PLA2G4B: variants seen among roughly 807,000 people sequenced by gnomAD.
PLA2G4B encodes cytosolic phospholipase A2 beta.
A neutral mutation model predicts 95.8 loss-of-function variants in PLA2G4B; 122 were observed. The observed-to-expected ratio is 1.27, with a 90% confidence interval of 1.10 to 1.48. The LOEUF is 1.48. PLA2G4B is among the 40% of genes most tolerant of loss of function. The pLI is 0.00. For synonymous variants in PLA2G4B, 518 were observed against 421.5 expected, an observed-to-expected ratio of 1.23 and a Z score of -2.80; for missense variants, 1,158 against 996.2, an observed-to-expected ratio of 1.16 and a Z score of -2.19.
At position 41,844,591 on chromosome 15, in the gene PLA2G4B, G is replaced by A. The variant is rs777501105; in HGVS notation, c.1000G>A (p.Ala334Thr). ...GGATTGCGTCTCCTACATCACCGGG[G>A]CCTCGGGCTCCACCTGGTGAGCTGG... ...LLDCVSYITG[A>T]SGSTWALANL... The change falls in exon 12 of 20, where the codon GCC becomes ACC. Residue 334 changes from alanine to threonine, a missense_variant. Transcript: ENST00000458483. 4.3e-6 allele frequency: 7 copies of A among 1,614,172 alleles called. No homozygotes were observed. In the Admixed American group the frequency reaches 1.0e-4, roughly 23 times the overall value.
chr15:41,841,310 C>A lies in PLA2G4B; in HGVS notation c.435+37C>A, dbSNP rs375420606. ...AGTGCTCTGGGAGGCGGTCTGGGGT[C>A]CCCGGGACTCCCTCATGCCAGCGAC... is the stretch of plus-strand genomic sequence containing the variant. On this transcript the variant is annotated intron_variant, in intron 6 of 19. Transcript: ENST00000458483. 39 of 1,611,178 alleles carry A rather than the reference C, an allele frequency of 2.4e-5. No homozygotes were observed. The African/African-American group carries it at 3.3e-4, about 14-fold the overall frequency.
chr15:41,840,265 T>C (rs778708576), intron 2 of PLA2G4B, 35 bp downstream of exon 2: 2 of 1,610,070 alleles, frequency 1.2e-6, no homozygotes, highest in East Asian at 4.5e-5. Context: ...TGTGCTGGGC[T>C]GAGGGAGGAG....
rs529841930 is a variant in PLA2G4B at position 41,846,728 on chromosome 15, CTGGATGT to C, written c.1844_1850del (p.Asp615AlafsTer109). The C allele has an allele frequency of 1.1e-5, 18 of 1,614,028 alleles. No homozygotes were observed. In the East Asian group the frequency reaches 3.8e-4, roughly 34 times the overall value. ...ACCCTCGGAGCCCCACCTGTGCCTGCTGGATGTTGGCTACCTCATCAATACCAGCTGC... is the reference window on the plus strand; with the variant it reads ...ACCCTCGGAGCCCCACCTGTGCCTGCTGGCTACCTCATCAATACCAGCTGC... On this transcript the variant is annotated frameshift_variant, in exon 18 of 20. Coordinates refer to ENST00000458483, the MANE Select transcript of PLA2G4B (RefSeq NM_001114633.2). LOFTEE classifies it high-confidence loss of function.
chr15:41,846,544 C>T (rs1307127418), intron 17 of PLA2G4B, 125 bp from the exon 18 acceptor site: 3 of 1,506,720 alleles, frequency 2.0e-6, no homozygotes, highest in Non-Finnish European at 2.7e-6. Context: ...CCAGGGCCCA[C>T]CTGCAGGGCT....
rs778698124 is a variant in PLA2G4B, at chr15:41,844,837, G to A, written c.1017-11G>A. 2 of 1,587,368 alleles carry A rather than the reference G, an allele frequency of 1.3e-6. No homozygotes were observed. Among genetic ancestry groups the A allele is most frequent in the Non-Finnish European group, 1.7e-6 (2 of 1,168,372 alleles). On this transcript the variant is annotated splice_polypyrimidine_tract_variant and intron_variant, in intron 12 of 19. Transcript: ENST00000458483. Reference sequence around the variant, plus strand: ...TGACAGCCCTCTGGCTTTGGCTTTGGCTTTTCCCAGGGCCTTGGCCAACCT... The same window carrying A: ...TGACAGCCCTCTGGCTTTGGCTTTGACTTTTCCCAGGGCCTTGGCCAACCT...
Position 41,846,585 on chromosome 15 carries a change from G to A in PLA2G4B, c.1781-84G>A, listed in dbSNP as rs370123679. Reference sequence around the variant, plus strand: ...GGTGTTGGTTCAGCAGGAGAGCAGGGACCAGAGGCCAGAGTCTCTCCTTCC... The same window carrying A: ...GGTGTTGGTTCAGCAGGAGAGCAGGAACCAGAGGCCAGAGTCTCTCCTTCC... On this transcript the variant is annotated intron_variant, in intron 17 of 19. Transcript: ENST00000458483. 5 of 1,535,344 alleles carry A rather than the reference G, an allele frequency of 3.3e-6. No homozygotes were observed. The South Asian group carries it at 3.8e-5, about 12-fold the overall frequency.
chr15:41,843,537 C>T, intron 10 of PLA2G4B, 139 bp from the exon 11 acceptor site: 1 of 1,458,990 alleles, frequency 6.9e-7, no homozygotes, highest in African/African-American at 1.4e-5. Flanking sequence ...TGTCAAACTT[C>T]AGTCTTGTGA....
At chr15:41,845,093 G>T (rs1459139245) in intron 13 of PLA2G4B, 23 bp downstream of exon 13, 1 of 1,596,094 alleles carries the variant, frequency 6.3e-7, no homozygotes, top group Non-Finnish European at 8.6e-7. Context: ...CGGCCTGGGG[G>T]CAGAGCCAGG....
intron 16 of PLA2G4B, 29 bp downstream of exon 16, chr15:41,846,076 G>A (rs1488796654): frequency 2.0e-5 from 31 of 1,571,224 alleles, no homozygotes; most frequent in Non-Finnish European, 2.6e-5. Flanking sequence ...TCATAAGGGT[G>A]CCAAGGGGCA....
rs763715647 is a variant in PLA2G4B, at chr15:41,846,232, G to A, written c.1630G>A (p.Glu544Lys). The A allele has an allele frequency of 3.7e-6, 6 of 1,613,912 alleles. No individual in the cohort carries two copies. In the East Asian group the frequency reaches 1.3e-4, roughly 36 times the overall value. Reference sequence around the variant, plus strand: ...GGAGCAGGTCCCCCTTCTGAAGATAGAAGAACCACCCTCAACAGCCGGCAG... The same window carrying A: ...GGAGCAGGTCCCCCTTCTGAAGATAAAAGAACCACCCTCAACAGCCGGCAG... ...DKEQVPLLKI[E>K]EPPSTAGRIA... Residue 544 changes from glutamate (E) to lysine (K), a missense_variant, in exon 17 of 20, where the codon GAA becomes AAA. By Grantham distance (56) the Glu-to-Lys change is moderately conservative. Coordinates refer to ENST00000458483, the MANE Select transcript of PLA2G4B (RefSeq NM_001114633.2).
Position 41,840,964 on chromosome 15 carries a change from A to G in PLA2G4B, c.351+59A>G, listed in dbSNP as rs1273508689. ...TGTCTGGGTTGAAATCTCCACGCGC[A>G]CACATGCACACACACGCATGTCTCT... On this transcript the variant is annotated intron_variant, in intron 4 of 19. Coordinates refer to ENST00000458483, the MANE Select transcript of PLA2G4B (RefSeq NM_001114633.2). The G allele has an allele frequency of 9.8e-5, 155 of 1,588,332 alleles. 1 individual carries two copies. Among genetic ancestry groups the G allele is most frequent in the Non-Finnish European group, 1.3e-4 (148 of 1,163,300 alleles).
At position 41,844,486 on chromosome 15, in the gene PLA2G4B, A is replaced by C. The variant is rs1002255325; in HGVS notation, c.895A>C (p.Ile299Leu). 1.9e-6 allele frequency: 3 copies of C among 1,614,064 alleles called. No individual in the cohort carries two copies. The highest frequency in any genetic ancestry group is 1.3e-5 in the African/African-American group (1 of 74,988). Residue 299 changes from isoleucine (I) to leucine (L), a missense_variant, in exon 12 of 20, where the codon ATT becomes CTT. Ile to Leu is a conservative substitution (Grantham distance 5). Transcript: ENST00000458483. Reference protein sequence around the residue: ...LQEDEIPVVAIMATGGGIRAM... With the variant: ...LQEDEIPVVALMATGGGIRAM... Reference sequence around the variant, plus strand: ...TCTTTTCCAGATCCCAGTGGTAGCTATTATGGCCACTGGTGGTGGGATCCG... The same window carrying C: ...TCTTTTCCAGATCCCAGTGGTAGCTCTTATGGCCACTGGTGGTGGGATCCG...
At chr15:41,841,027 TCTAA>T in intron 4 of PLA2G4B, 24 bp from the exon 5 acceptor site, 1 of 1,569,598 alleles carries the variant, frequency 6.4e-7, no homozygotes, top group Non-Finnish European at 8.7e-7. Flanking sequence ...TCTGACCCTT[TCTAA>T]CTTACTTCTG....
Position 41,845,318 on chromosome 15 carries a change from G to A in PLA2G4B, c.1355G>A (p.Gly452Glu). ...CAGAGCCTGACCACTTTTGAATTTG[G>A]GGGTGAGTGGCCCAAGAGCTGAGAC... ...KGQSLTTFEFGEWCEFSPYEV... is the reference protein window; with the variant it reads ...KGQSLTTFEFEEWCEFSPYEV... The change falls in exon 14 of 20, where the codon GGG (glycine) becomes GAG (glutamate). Residue 452 changes from glycine (G) to glutamate (E), a missense_variant and splice_region_variant. Transcript: ENST00000458483. The A allele has an allele frequency of 1.2e-6, 2 of 1,613,782 alleles. No individual in the cohort carries two copies. Among genetic ancestry groups the A allele is most frequent in the East Asian group, 2.2e-5 (1 of 44,874 alleles).
intron 11 of PLA2G4B, 52 bp from the exon 12 acceptor site, chr15:41,844,415 GACTT>G: frequency 6.2e-7 from 1 of 1,611,902 alleles, no homozygotes; most frequent in Non-Finnish European, 8.5e-7. Context: ...TTCTTCCTGT[GACTT>G]GGCCTTCCCC....
At position 41,847,474 on chromosome 15, in the gene PLA2G4B, G is replaced by C. The variant is rs1415479091; in HGVS notation, c.2085G>C (p.Val695=). 1 of 1,611,976 alleles carries C rather than the reference G, an allele frequency of 6.2e-7. No individual in the cohort carries two copies. The highest frequency in any genetic ancestry group is 1.3e-5 in the African/African-American group (1 of 74,850). The change falls in exon 19 of 20, where the codon GTG becomes GTC. Residue 695 remains valine, a synonymous_variant. Coordinates refer to ENST00000458483, the MANE Select transcript of PLA2G4B (RefSeq NM_001114633.2). ...SDPTCPGAPA[V]LHFPLVSDSF... ...CCACCTGCCCCGGAGCCCCTGCGGT[G>C]CTGCACTTTCCTCTGGTCAGCGACT...
In PLA2G4B at chr15:41,846,298, C is replaced by G; in HGVS notation, c.1696C>G (p.Leu566Val). 6.2e-7 allele frequency: 1 copy of G among 1,614,014 alleles called. No individual in the cohort carries two copies. Among genetic ancestry groups the G allele is most frequent in the Non-Finnish European group, 8.5e-7 (1 of 1,179,874 alleles). Residue 566 changes from leucine to valine, a missense_variant, in exon 17 of 20, where the codon CTG (leucine) becomes GTG (valine). By Grantham distance (32) the Leu-to-Val change is conservative. Transcript: ENST00000458483. ...FFTDLLTWRP[L>V]AQATHNFLRG... ...CACCGATCTTCTGACGTGGCGTCCA[C>G]TGGCCCAGGCCACACATAATTTCCT...
At position 41,842,180 on chromosome 15, in the gene PLA2G4B, T is replaced by C. The variant is rs1417027816; in HGVS notation, c.622-13T>C. On this transcript the variant is annotated splice_polypyrimidine_tract_variant and intron_variant, in intron 8 of 19. Coordinates refer to ENST00000458483, the MANE Select transcript of PLA2G4B (RefSeq NM_001114633.2). ...GTAAAGATTCTTAGGTCTGCATTCT[T>C]TGTCCCCTGCAGGATGCCCCCGAGG... The C allele has an allele frequency of 6.2e-7, 1 of 1,613,518 alleles. No homozygotes were observed. The highest frequency in any genetic ancestry group is 1.1e-5 in the South Asian group (1 of 91,048).
At position 41,840,163 on chromosome 15, in the gene PLA2G4B, G is replaced by T. The variant is rs761025591; in HGVS notation, c.15G>T (p.Glu5Asp). The T allele has an allele frequency of 1.7e-5, 27 of 1,613,114 alleles. No homozygotes were observed. In the Middle Eastern group the frequency reaches 8.2e-4, roughly 49 times the overall value. Residue 5 changes from glutamate (E) to aspartate (D), a missense_variant, in exon 2 of 20, where the codon GAG becomes GAT. By Grantham distance (45) the Glu-to-Asp change is conservative. Coordinates refer to ENST00000458483, the MANE Select transcript of PLA2G4B (RefSeq NM_001114633.2). The stretch of plus-strand genomic sequence containing the variant: ...CCCCTCTCCCACCTCTGCAGGCAGA[G>T]GTGTCCAGGACCTGCCTGCTCACGG... MAVA[E>D]VSRTCLLTVR... is the part of the protein sequence containing the mutation.
Sources: gnomAD v4.1 joint callset for allele counts on GRCh38, gnomAD v4.1.1 for gene constraint, MANE v1.5 for transcripts, NCBI Gene and HGNC (gene_info 2026-07-23, HGNC 2026-07-21) for gene names.